KALRN: variants seen among roughly 807,000 people sequenced by gnomAD.
The protein encoded by KALRN is kalirin RhoGEF kinase, also known as kalirin.
Under a neutral mutation model 353.7 loss-of-function variants are expected in KALRN, and 70 were observed. The ratio of observed to expected loss-of-function variants is 0.20; its 90% CI spans 0.16 to 0.24. The LOEUF is 0.24. KALRN is among the 10% of genes least tolerant of loss of function. The probability of loss-of-function intolerance (pLI) is 1.00; values close to 1 mark genes in which losing one functional copy is unlikely to be tolerated. For missense variants in KALRN, 2,791 were observed against 3,756.7 expected (o/e 0.74, Z 6.72); for synonymous variants, 1,391 against 1,434.8 (o/e 0.97, Z 0.69).
intron 1 of KALRN, chr3:124,163,743 G>C (rs1036216351): frequency 1.0e-6 from 1 of 985,252 alleles, no homozygotes; most frequent in African/African-American, 1.7e-5. Flanking sequence ...CTCACTACAG[G>C]CTTGCTCTGA....
At chr3:124,580,288 G>A (rs13062914) in intron 34 of KALRN, among the ~76,000 whole-genome samples, 37,591 of 145,896 alleles carry the variant, frequency 0.26, 4,803 homozygotes, top group East Asian at 0.35. Flanking sequence ...GCGTATTACA[G>A]ACACCTGGGG....
At chr3:124,278,262 G>A (rs903533000) in intron 5 of KALRN, among the ~76,000 whole-genome samples, 1 of 152,032 alleles carries the variant, frequency 6.6e-6, no homozygotes, top group Non-Finnish European at 1.5e-5. Flanking sequence ...CTAGAACCCA[G>A]GTGAGTTAAG....
intron 35 of KALRN, among the ~76,000 whole-genome samples, chr3:124,633,105 G>GC (rs1287523757): frequency 6.6e-6 from 1 of 152,218 alleles, no homozygotes; most frequent in Non-Finnish European, 1.5e-5. Context: ...AGTCTCTTGA[G>GC]CAGTGCCACA....
intron 1 of KALRN, among the ~76,000 whole-genome samples, chr3:124,050,903 T>C (rs2149144489): frequency 6.6e-6 from 1 of 152,298 alleles, no homozygotes; most frequent in South Asian, 2.1e-4. Flanking sequence ...ATAACTATCC[T>C]AAACTTCCTT....
At chr3:124,252,318 C>T (rs2071286478) in intron 3 of KALRN, among the ~76,000 whole-genome samples, 1 of 151,966 alleles carries the variant, frequency 6.6e-6, no homozygotes, top group Non-Finnish European at 1.5e-5. Context: ...GATATCCAGC[C>T]GACTGTGTGA....
intron 1 of KALRN, among the ~76,000 whole-genome samples, chr3:124,068,600 A>C (rs1428144924): frequency 6.6e-6 from 1 of 152,192 alleles, no homozygotes; most frequent in Non-Finnish European, 1.5e-5. Context: ...AGCTAGTACA[A>C]AACCCTCTTC....
intron 1 of KALRN, among the ~76,000 whole-genome samples, chr3:124,197,608 C>T (rs549924418): frequency 5.5e-4 from 84 of 152,302 alleles, no homozygotes; most frequent in Non-Finnish European, 1.0e-3. Context: ...ACCTCAGTGT[C>T]TCTTGTGGAC....
At chr3:124,146,909 A>G (rs1277621510) in intron 1 of KALRN, among the ~76,000 whole-genome samples, 1 of 151,290 alleles carries the variant, frequency 6.6e-6, no homozygotes, top group Non-Finnish European at 1.5e-5. Flanking sequence ...AGAAAAAAAA[A>G]GAGGTGGGGG....
intron 9 of KALRN, among the ~76,000 whole-genome samples, chr3:124,340,857 G>A (rs771515393): frequency 6.6e-6 from 1 of 152,110 alleles, no homozygotes; most frequent in Non-Finnish European, 1.5e-5. Flanking sequence ...TCAGGAGGCT[G>A]AGGCAGGAGA....
At chr3:124,365,303 C>T (rs1314866459) in intron 10 of KALRN, among the ~76,000 whole-genome samples, 2 of 152,146 alleles carry the variant, frequency 1.3e-5, no homozygotes, top group Non-Finnish European at 2.9e-5. Flanking sequence ...GTCCACAAAT[C>T]CCAGTCATGA....
chr3:124,308,910 C>T (rs1207421462), intron 6 of KALRN, among the ~76,000 whole-genome samples: 16 of 151,758 alleles, frequency 1.1e-4, no homozygotes, highest in Admixed American at 9.8e-4. Context: ...ACTTACAAAC[C>T]TTTACCTAGA....
intron 10 of KALRN, among the ~76,000 whole-genome samples, chr3:124,367,523 A>C (rs1242683396): frequency 9.3e-5 from 7 of 74,936 alleles, no homozygotes; most frequent in Admixed American, 2.5e-4. Context: ...TGACCCCCCC[A>C]CCTCCCTCCC....
At chr3:124,351,987 A>G (rs77190803) in intron 10 of KALRN, among the ~76,000 whole-genome samples, 19,020 of 152,222 alleles carry the variant, frequency 0.12, 1,320 homozygotes, top group Non-Finnish European at 0.16. Context: ...AGGCCCAGGA[A>G]GGGATACACC....
intron 1 of KALRN, among the ~76,000 whole-genome samples, chr3:124,116,828 T>G (rs60289134): frequency 0.041 from 6,308 of 152,288 alleles, 440 homozygotes; most frequent in African/African-American, 0.14. Context: ...TCAAAATATC[T>G]TATTATATTG....
At chr3:124,052,223 C>G (rs989392121) in intron 1 of KALRN, among the ~76,000 whole-genome samples, 4 of 152,156 alleles carry the variant, frequency 2.6e-5, no homozygotes, top group African/African-American at 9.7e-5. Flanking sequence ...GGCACTAGCC[C>G]CCTTGGGGAG....
intron 2 of KALRN, among the ~76,000 whole-genome samples, chr3:124,230,236 C>T (rs2078998053): frequency 6.6e-6 from 1 of 152,160 alleles, no homozygotes; most frequent in Admixed American, 6.5e-5. Context: ...GATATCCTGC[C>T]AATACTCCCA....
chr3:124,614,591 G>A (rs1431358140), intron 34 of KALRN, among the ~76,000 whole-genome samples: 3 of 148,196 alleles, frequency 2.0e-5, no homozygotes, highest in African/African-American at 7.6e-5. Context: ...GAGACAGGGT[G>A]TTGCTGTGTC....
intron 47 of KALRN, among the ~76,000 whole-genome samples, chr3:124,669,963 C>CTTTTTTTTTTTTTTTTTTTTT (rs61190740): frequency 7.3e-6 from 1 of 136,486 alleles, no homozygotes. Context: ...CATATATTTT[C>CTTTTTTTTTTTTTTTTTTTTT]TTTTTTTTTT....
At chr3:124,483,317 G>T (rs909905437) in intron 28 of KALRN, among the ~76,000 whole-genome samples, 3 of 152,186 alleles carry the variant, frequency 2.0e-5, no homozygotes, top group Admixed American at 1.3e-4. Flanking sequence ...TTGGGAGGCT[G>T]AGATGGGCAG....
Sources: allele counts gnomAD v4.1 joint callset (sites outside exome capture counted in the v4.1 genomes callset), GRCh38; gene constraint gnomAD v4.1.1; transcripts MANE v1.5; gene names NCBI Gene and HGNC (gene_info 2026-07-23, HGNC 2026-07-21).